Variants in PCDHA13 observed in about 807,000 individuals in gnomAD.
PCDHA13 encodes the protein protocadherin alpha 13, also known as protocadherin alpha-13.
In PCDHA13, 54 loss-of-function variants were observed where a neutral mutation model predicts 64.8. The ratio of observed to expected loss-of-function variants is 0.83; its 90% CI spans 0.67 to 1.04. PCDHA13 has a LOEUF of 1.04. PCDHA13 is among the 50% of genes least tolerant of loss of function. The pLI, the probability that PCDHA13 is intolerant of heterozygous loss-of-function variation, is 0.00. For missense variants in PCDHA13, 1,248 were observed against 1,254.3 expected, an observed-to-expected ratio of 0.99 and a Z score of 0.08; for synonymous variants, 587 against 564.4, an observed-to-expected ratio of 1.04 and a Z score of -0.57.
At chr5:140,967,680 G>A in intron 1 of PCDHA13, 4 of 1,614,228 alleles carry the variant, frequency 2.5e-6, no homozygotes, top group South Asian at 1.1e-5. Context: ...GACCGGGAGA[G>A]GCAGCTCTTC....
intron 1 of PCDHA13, chr5:140,969,419 T>C: frequency 6.4e-7 from 1 of 1,563,564 alleles, no homozygotes; most frequent in Non-Finnish European, 8.7e-7. Flanking sequence ...ATTGAGTCAT[T>C]AACAGTGACA....
chr5:140,940,076 T>C (rs1469877434), intron 1 of PCDHA13, among the ~76,000 whole-genome samples: 2 of 152,230 alleles, frequency 1.3e-5, no homozygotes, highest in Non-Finnish European at 2.9e-5. Flanking sequence ...ATGTGATATC[T>C]TTCTGCTAAA....
intron 1 of PCDHA13, among the ~76,000 whole-genome samples, chr5:140,890,446 T>A (rs1554184296): frequency 6.6e-6 from 1 of 152,228 alleles, no homozygotes; most frequent in Non-Finnish European, 1.5e-5. Context: ...CCTAGTGATA[T>A]CTTTAGGCAC....
At chr5:140,909,942 T>G (rs577556804) in intron 1 of PCDHA13, among the ~76,000 whole-genome samples, 1 of 152,304 alleles carries the variant, frequency 6.6e-6, no homozygotes, top group Non-Finnish European at 1.5e-5. Flanking sequence ...GTTACTCTGG[T>G]AAAAAGCCGT....
intron 1 of PCDHA13, among the ~76,000 whole-genome samples, chr5:140,923,142 TA>T (rs1262526439): frequency 5.3e-5 from 8 of 152,122 alleles, no homozygotes; most frequent in East Asian, 3.9e-4. Context: ...AGGTGGAATA[TA>T]AAAAAAATTA....
chr5:140,891,418 C>G (rs2063090538), intron 1 of PCDHA13, among the ~76,000 whole-genome samples: 1 of 146,594 alleles, frequency 6.8e-6, no homozygotes, highest in Non-Finnish European at 1.5e-5. Flanking sequence ...CCACTCTTGC[C>G]CCCAAGTCCC....
At chr5:140,937,150 G>C (rs2153631833) in intron 1 of PCDHA13, among the ~76,000 whole-genome samples, 1 of 149,812 alleles carries the variant, frequency 6.7e-6, no homozygotes, top group East Asian at 2.0e-4. Context: ...CCATTCTCCT[G>C]CCTCAGCCTC....
chr5:140,928,452 G>A (rs1284379241), intron 1 of PCDHA13: 1 of 1,614,008 alleles, frequency 6.2e-7, no homozygotes, highest in Non-Finnish European at 8.5e-7. Flanking sequence ...AGCTCAGGGG[G>A]TTTCATTTCC....
In PCDHA13 at chr5:141,011,807, A is replaced by G. The variant is rs940017317; in HGVS notation, c.*1870A>G. ...CTAATGGTATCTGAAATATCAGCTC[A>G]TAGAAAGTAACAAAATTTGCTGTCA... On this transcript the variant is annotated 3_prime_UTR_variant, in exon 4 of 4. Coordinates refer to ENST00000289272, the MANE Select transcript of PCDHA13 (RefSeq NM_018904.3). The G allele has an allele frequency of 1.3e-5, 2 of 153,798 alleles. No individual in the cohort carries two copies. Among genetic ancestry groups the G allele is most frequent in the African/African-American group, 4.8e-5 (2 of 41,468 alleles). The allele number at this position is 153,798 out of a possible 1,614,324, so 9.5% of individuals were successfully genotyped here.
chr5:140,950,237 A>C (rs1192417956), intron 1 of PCDHA13, among the ~76,000 whole-genome samples: 1 of 151,954 alleles, frequency 6.6e-6, no homozygotes, highest in African/African-American at 2.4e-5. Context: ...AGTGCCATTA[A>C]TTTGTTCCTA....
In PCDHA13 at chr5:140,882,290, G is replaced by A; in HGVS notation, c.22G>A (p.Gly8Ser). The change falls in exon 1 of 4, where the codon GGC (glycine) becomes AGC (serine). Residue 8 changes from glycine to serine, a missense_variant. Gly to Ser is a moderately conservative substitution (Grantham distance 56). Transcript: ENST00000289272. ...TACCATGCTGTCTTCCTGGCAAGGAGGCCCAAGACCGCGGCAACTACTGCT... is the reference window on the plus strand; with the variant it reads ...TACCATGCTGTCTTCCTGGCAAGGAAGCCCAAGACCGCGGCAACTACTGCT... Reference protein sequence around the residue: MLSSWQGGPRPRQLLLWL... With the variant: MLSSWQGSPRPRQLLLWL... The A allele has an allele frequency of 6.2e-7, 1 of 1,613,532 alleles. No individual in the cohort carries two copies. The highest frequency in any genetic ancestry group is 8.5e-7 in the Non-Finnish European group (1 of 1,179,562).
chr5:141,006,944 A>G (rs2098295543), intron 3 of PCDHA13, among the ~76,000 whole-genome samples: 1 of 152,202 alleles, frequency 6.6e-6, no homozygotes, highest in African/African-American at 2.4e-5. Context: ...GATACCAGAT[A>G]GGCAGTTATA....
chr5:140,941,214 C>CTTCTTTCTTTCTTT (rs1554214039), intron 1 of PCDHA13, among the ~76,000 whole-genome samples: 1 of 122,414 alleles, frequency 8.2e-6, no homozygotes. Flanking sequence ...TTTCTTTCTT[C>CTTCTTTCTTTCTTT]CTTTCTTTCT....
At chr5:140,954,015 C>T (rs1322183660) in intron 1 of PCDHA13, among the ~76,000 whole-genome samples, 4 of 152,136 alleles carry the variant, frequency 2.6e-5, no homozygotes, top group African/African-American at 7.2e-5. Context: ...AGCTCCCACA[C>T]ATAGTGGGAC....
At chr5:140,886,364 C>T (rs2060956289) in intron 1 of PCDHA13, among the ~76,000 whole-genome samples, 1 of 152,082 alleles carries the variant, frequency 6.6e-6, no homozygotes. Context: ...CATAGGTGTA[C>T]ATGCCATGGT....
At chr5:140,905,622 T>G (rs962403940) in intron 1 of PCDHA13, among the ~76,000 whole-genome samples, 3 of 152,236 alleles carry the variant, frequency 2.0e-5, no homozygotes, top group Non-Finnish European at 4.4e-5. Context: ...AGATTGCTTT[T>G]GACAGTATGG....
chr5:140,965,275 C>T (rs1280046381), intron 1 of PCDHA13, among the ~76,000 whole-genome samples: 7 of 152,158 alleles, frequency 4.6e-5, no homozygotes, highest in Non-Finnish European at 1.0e-4. Context: ...GGCAATGACA[C>T]AGCATGGAAA....
chr5:140,994,954 T>C (rs2097657181), intron 3 of PCDHA13, among the ~76,000 whole-genome samples: 1 of 152,230 alleles, frequency 6.6e-6, no homozygotes, highest in Non-Finnish European at 1.5e-5. Flanking sequence ...AAATAATTTG[T>C]AGTTTCATTT....
intron 1 of PCDHA13, among the ~76,000 whole-genome samples, chr5:140,956,217 T>C (rs1554222303): frequency 1.1e-4 from 17 of 152,208 alleles, no homozygotes. Flanking sequence ...GGCATCCTTG[T>C]CTTGTGCTGG....
Sources: allele counts gnomAD v4.1 joint callset (sites outside exome capture counted in the v4.1 genomes callset), GRCh38; gene constraint gnomAD v4.1.1; transcripts MANE v1.5; gene names NCBI Gene and HGNC (gene_info 2026-07-23, HGNC 2026-07-21).